CAMTA1: variants seen among roughly 807,000 people sequenced by gnomAD.
CAMTA1 encodes the protein calmodulin-binding transcription activator 1.
In CAMTA1, 27 loss-of-function variants were observed where a neutral mutation model predicts 170.9. That is an observed-to-expected ratio of 0.16 (90% CI 0.12 to 0.22). CAMTA1 has a LOEUF of 0.22. Ranked by LOEUF, CAMTA1 falls within the 10% of genes least tolerant of loss-of-function variation. CAMTA1 has a pLI of 1.00. For missense variants in CAMTA1, 1,619 were observed against 2,217.2 expected (o/e 0.73, Z 5.42); for synonymous variants, 833 against 891.5 (o/e 0.93, Z 1.17).
intron 5 of CAMTA1, among the ~76,000 whole-genome samples, chr1:7,323,366 C>CCT (rs1678744084): frequency 6.6e-6 from 1 of 152,064 alleles, no homozygotes; most frequent in Non-Finnish European, 1.5e-5. Flanking sequence ...ATGTGGCTTG[C>CCT]TCCCCCATGG....
intron 5 of CAMTA1, among the ~76,000 whole-genome samples, chr1:7,401,902 A>G (rs2089933942): frequency 6.6e-6 from 1 of 152,132 alleles, no homozygotes; most frequent in South Asian, 2.1e-4. Context: ...TTTCCTTAGC[A>G]GCAGGAGCAG....
At chr1:7,390,273 G>T (rs753078001) in intron 5 of CAMTA1, among the ~76,000 whole-genome samples, 5 of 152,158 alleles carry the variant, frequency 3.3e-5, no homozygotes, top group Non-Finnish European at 7.4e-5. Context: ...GACACAACCC[G>T]CCCAGGGTGC....
intron 5 of CAMTA1, among the ~76,000 whole-genome samples, chr1:7,451,494 T>A (rs2092823628): frequency 6.6e-6 from 1 of 152,106 alleles, no homozygotes; most frequent in Non-Finnish European, 1.5e-5. Flanking sequence ...AAGCCCCAGG[T>A]CCCTCCTGAG....
intron 4 of CAMTA1, among the ~76,000 whole-genome samples, chr1:7,162,915 T>C (rs550599220): frequency 1.3e-5 from 2 of 152,312 alleles, no homozygotes; most frequent in East Asian, 3.9e-4. Flanking sequence ...TGCCATTTTA[T>C]GTTCACACCA....
intron 5 of CAMTA1, among the ~76,000 whole-genome samples, chr1:7,273,255 C>A (rs6577431): frequency 4.6e-5 from 7 of 152,040 alleles, no homozygotes; most frequent in African/African-American, 1.7e-4. Context: ...TAGATATGTA[C>A]CCAAGAGAAA....
intron 3 of CAMTA1, among the ~76,000 whole-genome samples, chr1:6,893,667 G>C (rs1235316956): frequency 1.3e-5 from 2 of 152,194 alleles, no homozygotes; most frequent in African/African-American, 4.8e-5. Flanking sequence ...GGAAGAGAGA[G>C]ACTAGGTGTG....
intron 5 of CAMTA1, among the ~76,000 whole-genome samples, chr1:7,436,199 G>A (rs1003612593): frequency 8.1e-4 from 123 of 152,350 alleles, no homozygotes; most frequent in East Asian, 5.8e-4. Flanking sequence ...AGAGGGAGCC[G>A]GGCATGGGGA....
intron 4 of CAMTA1, among the ~76,000 whole-genome samples, chr1:7,151,166 C>T (rs1646550090): frequency 6.6e-6 from 1 of 152,244 alleles, no homozygotes; most frequent in Admixed American, 6.5e-5. Flanking sequence ...CATGGGCCTC[C>T]TCTCCCTTGG....
intron 6 of CAMTA1, among the ~76,000 whole-genome samples, chr1:7,604,623 G>A (rs1036338143): frequency 6.6e-6 from 1 of 151,998 alleles, no homozygotes; most frequent in Non-Finnish European, 1.5e-5. Flanking sequence ...CCATGGGTTC[G>A]AACTTCCTCC....
intron 10 of CAMTA1, 25 bp from the exon 11 acceptor site, chr1:7,677,574 C>G (rs1293265710): frequency 6.2e-7 from 1 of 1,609,250 alleles, no homozygotes; most frequent in Non-Finnish European, 8.5e-7. Flanking sequence ...CATCCCTTGA[C>G]CTGGTCTTTT....
At chr1:7,307,513 C>T (rs1421041163) in intron 5 of CAMTA1, among the ~76,000 whole-genome samples, 1 of 151,852 alleles carries the variant, frequency 6.6e-6, no homozygotes, top group Non-Finnish European at 1.5e-5. Context: ...TTGCCATGTT[C>T]CTGATATTAG....
At position 6,908,129 on chromosome 1, in the gene CAMTA1, C is replaced by T. The variant is rs146521658; in HGVS notation, c.234+82919C>T. On this transcript the variant is annotated intron_variant, in intron 3 of 22. Coordinates refer to ENST00000303635, the MANE Select transcript of CAMTA1 (RefSeq NM_015215.4). ...GTGACTTGAGAACCCCTTCTTTGCT[C>T]GTCACCCTTTATGAAGAAGACATCC... 1.3e-3 allele frequency among the ~76,000 whole-genome samples: 194 copies of T among 152,340 alleles called. 1 individual carries two copies. Among genetic ancestry groups the T allele is most frequent in the African/African-American group, 4.4e-3 (185 of 41,574 alleles).
chr1:7,422,892 T>A (rs1213891042), intron 5 of CAMTA1, among the ~76,000 whole-genome samples: 2 of 152,244 alleles, frequency 1.3e-5, no homozygotes, highest in African/African-American at 4.8e-5. Context: ...CGAGGGGCCC[T>A]TTGCAAACCT....
chr1:6,938,310 C>G (rs1308924685), intron 3 of CAMTA1, among the ~76,000 whole-genome samples: 1 of 152,126 alleles, frequency 6.6e-6, no homozygotes, highest in East Asian at 1.9e-4. Context: ...CTCTGGGGAC[C>G]AGGGCGGCTG....
At chr1:7,753,686 C>A (rs1321758923) in intron 21 of CAMTA1, among the ~76,000 whole-genome samples, 1 of 152,152 alleles carries the variant, frequency 6.6e-6, no homozygotes, top group East Asian at 1.9e-4. Flanking sequence ...ACATGCACAG[C>A]CACTGCATTA....
At chr1:7,713,146 G>A (rs1199450387) in intron 11 of CAMTA1, among the ~76,000 whole-genome samples, 1 of 152,178 alleles carries the variant, frequency 6.6e-6, no homozygotes, top group Non-Finnish European at 1.5e-5. Flanking sequence ...AGTGAGTGAG[G>A]GAGTCTCCTG....
At chr1:7,283,196 A>G (rs1671763237) in intron 5 of CAMTA1, among the ~76,000 whole-genome samples, 1 of 152,092 alleles carries the variant, frequency 6.6e-6, no homozygotes, top group African/African-American at 2.4e-5. Flanking sequence ...CTCCACCAAG[A>G]TGCACTTTAC....
intron 5 of CAMTA1, among the ~76,000 whole-genome samples, chr1:7,377,435 T>C (rs542982958): frequency 1.3e-5 from 2 of 152,332 alleles, no homozygotes; most frequent in South Asian, 2.1e-4. Context: ...CCTGTGTTAG[T>C]AAAATGACTG....
intron 4 of CAMTA1, among the ~76,000 whole-genome samples, chr1:7,174,737 G>C (rs530515212): frequency 6.6e-6 from 1 of 152,332 alleles, no homozygotes; most frequent in South Asian, 2.1e-4. Flanking sequence ...GCCCTGGGGG[G>C]CCTGGGAATT....
Sources: gnomAD v4.1 joint callset for allele counts (sites outside exome capture counted in the v4.1 genomes callset) on GRCh38, gnomAD v4.1.1 for gene constraint, MANE v1.5 for transcripts, NCBI Gene and HGNC (gene_info 2026-07-23, HGNC 2026-07-21) for gene names.